Variants in ANO10 observed in about 807,000 individuals in gnomAD.
ANO10 encodes anoctamin-10.
Under a neutral mutation model 74.7 loss-of-function variants are expected in ANO10, and 77 were observed. The ratio of observed to expected loss-of-function variants is 1.03; its 90% CI spans 0.86 to 1.25. The LOEUF (loss-of-function observed/expected upper bound fraction) is 1.25. Among genes scored for constraint, ANO10 ranks in the 50% most tolerant of loss-of-function variants. ANO10 has a pLI of 0.00. For synonymous variants in ANO10, 279 were observed against 284.9 expected, an observed-to-expected ratio of 0.98 and a Z score of 0.21; for missense variants, 721 against 778.1, an observed-to-expected ratio of 0.93 and a Z score of 0.87.
At chr3:43,450,792 T>G (rs1323203459) in intron 11 of ANO10, among the ~76,000 whole-genome samples, 1 of 152,204 alleles carries the variant, frequency 6.6e-6, no homozygotes, top group African/African-American at 2.4e-5. Context: ...CTTTTTGTAA[T>G]GTAACAGATT....
intron 12 of ANO10, among the ~76,000 whole-genome samples, chr3:43,389,074 G>A (rs1472669569): frequency 6.6e-6 from 1 of 152,210 alleles, no homozygotes; most frequent in Non-Finnish European, 1.5e-5. Flanking sequence ...TAAACTGTTA[G>A]CTAGCATGAT....
At chr3:43,484,346 A>G (rs1362095352) in intron 11 of ANO10, among the ~76,000 whole-genome samples, 1 of 152,160 alleles carries the variant, frequency 6.6e-6, no homozygotes, top group Non-Finnish European at 1.5e-5. Context: ...TAGATGGTAA[A>G]TGTCTCTTTT....
chr3:43,584,409 C>T (rs771348504), intron 4 of ANO10, among the ~76,000 whole-genome samples: 23 of 152,130 alleles, frequency 1.5e-4, no homozygotes, highest in Non-Finnish European at 2.6e-4. Context: ...GGACACGGCT[C>T]GGCTCACTCA....
intron 1 of ANO10, among the ~76,000 whole-genome samples, chr3:43,679,306 C>T (rs2084163700): frequency 6.6e-6 from 1 of 152,212 alleles, no homozygotes; most frequent in South Asian, 2.1e-4. Context: ...CCGTGCATGG[C>T]TCGGAGGGTC....
At chr3:43,690,060 CT>C (rs544735533) in intron 1 of ANO10, 15,873 of 142,244 alleles carry the variant, frequency 0.11, 1,068 homozygotes, top group South Asian at 0.22. Flanking sequence ...TAAACATAGA[CT>C]TTTTTTTTTT....
intron 4 of ANO10, among the ~76,000 whole-genome samples, chr3:43,590,270 T>G (rs2081670116): frequency 6.6e-6 from 1 of 152,202 alleles, no homozygotes; most frequent in Non-Finnish European, 1.5e-5. Context: ...TACTACATCT[T>G]ACTTACAAAT....
At chr3:43,485,295 C>A in intron 11 of ANO10, 1 of 577,454 alleles carries the variant, frequency 1.7e-6, no homozygotes, top group South Asian at 1.9e-5. Context: ...GTCGCAGACC[C>A]GCTGCTGACT....
chr3:43,580,228 G>T, intron 5 of ANO10, 125 bp downstream of exon 5: 1 of 1,280,276 alleles, frequency 7.8e-7, no homozygotes, highest in Non-Finnish European at 1.1e-6. Flanking sequence ...TTTCCCACAT[G>T]TAGCTGGTGA....
chr3:43,477,236 G>A (rs902481472), intron 11 of ANO10, among the ~76,000 whole-genome samples: 11 of 152,172 alleles, frequency 7.2e-5, no homozygotes, highest in Admixed American at 5.2e-4. Flanking sequence ...TATTGTAACT[G>A]TTAAGAAAAG....
At chr3:43,600,888 T>A (rs1575522840) in intron 2 of ANO10, among the ~76,000 whole-genome samples, 1 of 152,038 alleles carries the variant, frequency 6.6e-6, no homozygotes, top group African/African-American at 2.4e-5. Flanking sequence ...AATAAAAATA[T>A]AGAACAAAGA....
chr3:43,433,516 T>C (rs2093023100), intron 11 of ANO10, among the ~76,000 whole-genome samples: 1 of 152,202 alleles, frequency 6.6e-6, no homozygotes, highest in African/African-American at 2.4e-5. Context: ...TTTTCTTTTA[T>C]GATGTGATAA....
intron 12 of ANO10, among the ~76,000 whole-genome samples, chr3:43,407,184 G>A (rs755310214): frequency 2.0e-5 from 3 of 152,126 alleles, no homozygotes; most frequent in African/African-American, 4.8e-5. Flanking sequence ...GATTACATGC[G>A]TGAGCCACCA....
intron 12 of ANO10, among the ~76,000 whole-genome samples, chr3:43,412,665 T>C (rs949467903): frequency 6.6e-6 from 1 of 152,230 alleles, no homozygotes. Flanking sequence ...ATTCCCTGTC[T>C]TGTTTGAACA....
intron 11 of ANO10, among the ~76,000 whole-genome samples, chr3:43,446,453 AAG>A (rs1161387676): frequency 6.6e-6 from 1 of 152,256 alleles, no homozygotes; most frequent in African/African-American, 2.4e-5. Context: ...TGTAACAAAA[AAG>A]AGTTACAACT....
intron 11 of ANO10, among the ~76,000 whole-genome samples, chr3:43,476,987 T>C (rs1252214650): frequency 6.6e-6 from 1 of 152,180 alleles, no homozygotes; most frequent in Non-Finnish European, 1.5e-5. Flanking sequence ...ATGGGTAAAA[T>C]TTCTTTTATT....
At chr3:43,545,394 G>A (rs1442924319) in intron 11 of ANO10, among the ~76,000 whole-genome samples, 1 of 151,260 alleles carries the variant, frequency 6.6e-6, no homozygotes, top group East Asian at 1.9e-4. Flanking sequence ...TTTTTTTTTA[G>A]ACAGAGTCTC....
chr3:43,621,384 C>T (rs1262914756), intron 1 of ANO10, among the ~76,000 whole-genome samples: 1 of 152,148 alleles, frequency 6.6e-6, no homozygotes, highest in Non-Finnish European at 1.5e-5. Flanking sequence ...TGAGCATTAT[C>T]CTGCAAGCCC....
At chr3:43,527,731 T>C (rs1443956360) in intron 11 of ANO10, among the ~76,000 whole-genome samples, 2 of 152,080 alleles carry the variant, frequency 1.3e-5, no homozygotes, top group Admixed American at 1.3e-4. Context: ...TCAGACACTA[T>C]GAAAGAGAGG....
intron 11 of ANO10, among the ~76,000 whole-genome samples, chr3:43,536,158 G>A (rs1003855726): frequency 4.6e-5 from 7 of 152,178 alleles, no homozygotes; most frequent in African/African-American, 1.7e-4. Flanking sequence ...AAAAGTAAAT[G>A]TAACATTCCA....
Sources: gnomAD v4.1 joint callset for allele counts (sites outside exome capture counted in the v4.1 genomes callset) on GRCh38, gnomAD v4.1.1 for gene constraint, MANE v1.5 for transcripts, NCBI Gene and HGNC (gene_info 2026-07-23, HGNC 2026-07-21) for gene names.